The following MGAM variants were observed in gnomAD, a reference collection of about 807,000 sequenced individuals.
MGAM encodes alpha-1,4-glucosidase.
MGAM carries 253 observed loss-of-function variants against 358.8 expected under a neutral mutation model. The ratio of observed to expected loss-of-function variants is 0.71; its 90% confidence interval spans 0.64 to 0.78. MGAM has a LOEUF of 0.78. MGAM is among the 30% of genes least tolerant of loss of function. MGAM has a pLI of 0.00. For missense variants in MGAM, 3,080 were observed against 3,432.6 expected (o/e 0.90, Z 2.57); for synonymous variants, 1,105 against 1,227.1 (o/e 0.90, Z 2.08).
At chr7:142,041,997 TATTATATATATAATATAA>T (rs1808777639) in intron 21 of MGAM, among the ~76,000 whole-genome samples, 2 of 13,442 alleles carry the variant, frequency 1.5e-4, no homozygotes, top group African/African-American at 5.9e-4. Context: ...AATATATATA[TATTATATATATAATATAA>T]TATATATATA....
rs754514531 is a variant in MGAM at position 142,039,651 on chromosome 7, G to A, written c.2317-464G>A. Among the ~76,000 whole-genome samples, 8 of 152,080 alleles carry A rather than the reference G, an allele frequency of 5.3e-5. No homozygotes were observed. In the South Asian group the frequency reaches 8.3e-4, roughly 16 times the overall value. On this transcript the variant is annotated intron_variant, in intron 19 of 70. Coordinates refer to ENST00000475668, the MANE Select transcript of MGAM (RefSeq NM_001365693.1). ...AGCAGATCCTGACTTGCTCCATGAC[G>A]TAGAAACAGGATGGAGCAGTGACCC... is the stretch of plus-strand genomic sequence containing the variant.
intron 28 of MGAM, 81 bp from the exon 29 acceptor site, chr7:142,055,919 T>C: frequency 1.3e-6 from 2 of 1,483,604 alleles, no homozygotes; most frequent in Admixed American, 1.9e-5. Flanking sequence ...AGAGCCATGT[T>C]AGCAAGCACA....
chr7:142,059,857 A>G lies in MGAM; in HGVS notation c.3950A>G (p.Asp1317Gly), dbSNP rs1247460301. 6.2e-7 allele frequency: 1 copy of G among 1,607,400 alleles called. No individual in the cohort carries two copies. Among genetic ancestry groups the G allele is most frequent in the Non-Finnish European group, 8.5e-7 (1 of 1,176,814 alleles). ...AACTGACTTATGCTTTGATTTCAGG[A>G]TCCAGCCATTTCTGGCAATGAGACA... is the stretch of plus-strand genomic sequence containing the variant. Reference protein sequence around the residue: ...ADGMRVILILDPAISGNETQP... With the variant: ...ADGMRVILILGPAISGNETQP... Residue 1317 changes from aspartate (D) to glycine (G), a missense_variant and splice_region_variant, in exon 33 of 71, where the codon GAT becomes GGT. Asp to Gly is a moderately conservative substitution (Grantham distance 94). This residue lies in a region of MGAM where 1,816 missense variants were observed against 1,840.5 expected (regional missense o/e 0.99). Transcript: ENST00000475668.
At chr7:142,058,700 C>T (rs1811803911) in intron 31 of MGAM, among the ~76,000 whole-genome samples, 1 of 152,174 alleles carries the variant, frequency 6.6e-6, no homozygotes, top group South Asian at 2.1e-4. Context: ...AAAGACTAAC[C>T]ACAAATCAAT....
chr7:142,096,207 A>G, intron 64 of MGAM, 124 bp from the exon 65 acceptor site: 2 of 1,035,256 alleles, frequency 1.9e-6, no homozygotes, highest in African/African-American at 3.1e-5. Flanking sequence ...AGGCCTAGGA[A>G]AAAGGCAAGG....
chr7:142,034,509 A>C, intron 15 of MGAM, 130 bp downstream of exon 15: 1 of 950,026 alleles, frequency 1.1e-6, no homozygotes, highest in Non-Finnish European at 1.6e-6. Context: ...CAAAACATTT[A>C]ATGATACAGA....
chr7:142,059,523 C>T lies in MGAM; in HGVS notation c.3871C>T (p.Leu1291Phe). 1 of 1,613,002 alleles carries T rather than the reference C, an allele frequency of 6.2e-7. No homozygotes were observed. The highest frequency in any genetic ancestry group is 8.5e-7 in the Non-Finnish European group (1 of 1,179,128). ...CATGGAGCGGCAGCTGGACTTCACC[C>T]TCAGCCCCAAGTTTGCTGGGTTTCC... Reference protein sequence around the residue: ...DYMERQLDFTLSPKFAGFPAL... With the variant: ...DYMERQLDFTFSPKFAGFPAL... Residue 1291 changes from leucine (L) to phenylalanine (F), a missense_variant, in exon 32 of 71, where the codon CTC (leucine) becomes TTC (phenylalanine). Transcript: ENST00000475668.
At chr7:142,074,014 G>C in intron 44 of MGAM, 71 bp from the exon 45 acceptor site, 1 of 1,095,940 alleles carries the variant, frequency 9.1e-7, no homozygotes, top group Non-Finnish European at 1.4e-6. Context: ...AAATTTGATG[G>C]AAATATTCTC....
chr7:142,032,694 A>G, intron 13 of MGAM, 131 bp from the exon 14 acceptor site: 1 of 582,322 alleles, frequency 1.7e-6, no homozygotes, highest in South Asian at 2.5e-5. Flanking sequence ...CACCTACTCT[A>G]TTCCATTTAT....
intron 36 of MGAM, 89 bp downstream of exon 36, chr7:142,063,675 G>T: frequency 7.1e-7 from 1 of 1,412,744 alleles, no homozygotes. Flanking sequence ...CCCCACAGCT[G>T]AGGGCACATC....
At chr7:142,011,695 G>A (rs968024870) in intron 3 of MGAM, among the ~76,000 whole-genome samples, 1 of 152,224 alleles carries the variant, frequency 6.6e-6, no homozygotes, top group East Asian at 1.9e-4. Flanking sequence ...TTAAACGTTC[G>A]ATTAAATGAC....
At position 142,084,787 on chromosome 7, in the gene MGAM, C is replaced by G. The variant is rs754261796; in HGVS notation, c.6507+143C>G. 26 of 1,170,296 alleles carry G rather than the reference C, an allele frequency of 2.2e-5. 1 individual carries two copies. The highest frequency in any genetic ancestry group is 2.7e-5 in the Non-Finnish European group (23 of 842,796). 72.5% of individuals were successfully genotyped at this position (1,170,296 alleles called of 1,614,324 possible). A position where few individuals can be genotyped will look rare whatever the true frequency, so the allele number is the denominator to read the frequency against. On this transcript the variant is annotated intron_variant, in intron 54 of 70. Transcript: ENST00000475668. ...TATCACAGTTAGCCTCACCCCAGCACAGTAATAGAGGTAAGGGCCCTTGTT... is the reference window on the plus strand; with the variant it reads ...TATCACAGTTAGCCTCACCCCAGCAGAGTAATAGAGGTAAGGGCCCTTGTT...
In MGAM at chr7:141,986,542, ATTGT is replaced by A. The variant is rs574217764; in HGVS notation, c.-2-18982_-2-18979del. Among the ~76,000 whole-genome samples the A allele has an allele frequency of 1.7e-3, 254 of 152,252 alleles. 1 individual carries two copies. Among genetic ancestry groups the A allele is most frequent in the Middle Eastern group, 0.014 (4 of 294 alleles). On this transcript the variant is annotated intron_variant, in intron 2 of 5. Transcript: ENST00000465654. ...CAGAGACCGTACATGGCTGTAAGAC[ATTGT>A]TTGTGAATTTAAGACATTTCCTATG...
At position 142,057,265 on chromosome 7, in the gene MGAM, AATG is replaced by A. The variant is rs1811641076; in HGVS notation, c.3693+327_3693+329del. Among the ~76,000 whole-genome samples the A allele has an allele frequency of 4.0e-5, 6 of 150,464 alleles. 1 individual carries two copies. The South Asian group carries it at 1.3e-3, about 32-fold the overall frequency. On this transcript the variant is annotated intron_variant, in intron 30 of 70. Coordinates refer to ENST00000475668, the MANE Select transcript of MGAM (RefSeq NM_001365693.1). ...GTGATAGTGATGTGGGAATGGTGAT[AATG>A]ATGGTGGTGGTAGTAGTGGTGTTGG...
rs187943214 is a variant in MGAM, at chr7:142,097,544, G to A, written c.7693-49G>A. ...CTTTCCTAAGTATTTTGGTTTCTCT[G>A]TCCTGGAAAATGGTGCCACTGCCAC... On this transcript the variant is annotated intron_variant, in intron 65 of 70. Coordinates refer to ENST00000475668, the MANE Select transcript of MGAM (RefSeq NM_001365693.1). 1.2e-5 allele frequency: 18 copies of A among 1,564,416 alleles called. No homozygotes were observed. The African/African-American group carries it at 2.4e-4, about 21-fold the overall frequency.
chr7:142,055,870 A>T, intron 28 of MGAM, 130 bp from the exon 29 acceptor site: 1 of 1,456,116 alleles, frequency 6.9e-7, no homozygotes, highest in Non-Finnish European at 9.3e-7. Context: ...CCTTTGTTTC[A>T]TGTGTTTAGT....
intron 54 of MGAM, 96 bp downstream of exon 54, chr7:142,084,740 C>A: frequency 7.0e-7 from 1 of 1,428,164 alleles, no homozygotes; most frequent in Non-Finnish European, 9.6e-7. Context: ...TCTATAAAGA[C>A]ATAATGTTCT....
Position 142,083,496 on chromosome 7 carries a change from A to C in MGAM, c.6381+83A>C, listed in dbSNP as rs918003023. On this transcript the variant is annotated intron_variant, in intron 53 of 70. Transcript: ENST00000475668. ...GCCCACATTCATTAGTATAACTCTC[A>C]GATGATAACTGGAATTATTGGTATT... 1.8e-5 allele frequency: 18 copies of C among 974,562 alleles called. 1 individual carries two copies. The Admixed American group carries it at 4.5e-4, about 24-fold the overall frequency. The allele number at this position is 974,562 out of a possible 1,614,324, so 60.4% of individuals were successfully genotyped here.
In MGAM at chr7:142,031,750, T is replaced by G. The variant is rs782618035; in HGVS notation, c.1541T>G (p.Phe514Cys). The G allele has an allele frequency of 2.5e-6, 4 of 1,613,260 alleles. No homozygotes were observed. In the East Asian group the frequency reaches 6.7e-5, roughly 27 times the overall value. Reference protein sequence around the residue: ...PNCAVWWTKEFELFHNQVEFD... With the variant: ...PNCAVWWTKECELFHNQVEFD... ...TGTGCTGTTTGGTGGACAAAGGAAT[T>G]TGAGCTTTTTCACAATCAAGTAGAG... The change falls in exon 13 of 71, where the codon TTT (phenylalanine) becomes TGT (cysteine). Residue 514 changes from phenylalanine to cysteine, a missense_variant. By Grantham distance (205) the Phe-to-Cys change is radical. Transcript: ENST00000475668.
Sources: gnomAD v4.1 joint callset for allele counts (sites outside exome capture counted in the v4.1 genomes callset) on GRCh38, gnomAD v4.1.1 for gene constraint, gnomAD v4.1.1 regional missense constraint, MANE v1.5 for transcripts, NCBI Gene and HGNC (gene_info 2026-07-23, HGNC 2026-07-21) for gene names.